The following ITGA8 variants were observed in gnomAD, a reference collection of about 807,000 sequenced individuals.
The protein encoded by ITGA8 is integrin alpha-8.
A neutral mutation model predicts 142.3 loss-of-function variants in ITGA8; 91 were observed. The observed-to-expected ratio is 0.64, with a 90% CI of 0.54 to 0.76. The LOEUF (loss-of-function observed/expected upper bound fraction) is 0.76, where lower values mean the gene tolerates loss of function less well. ITGA8 is among the 30% of genes least tolerant of loss of function. The pLI is 0.00. For missense variants in ITGA8, 1,406 were observed against 1,327.7 expected (o/e 1.06, Z -0.92); for synonymous variants, 505 against 485.2 (o/e 1.04, Z -0.54).
At position 15,519,368 on chromosome 10, in the gene ITGA8, T is replaced by A; in HGVS notation, c.3027A>T (p.Ser1009=). 1.2e-6 allele frequency: 2 copies of A among 1,613,722 alleles called. No individual in the cohort carries two copies. The highest frequency in any genetic ancestry group is 8.5e-7 in the Non-Finnish European group (1 of 1,179,718). ...CTAGTATTATTACCCATAATGGGAT[T>A]GAGAAGGAAACATTCGGAGTTGCCC... ...VIWATPNVSF[S]IPLWVIILAI... The change falls in exon 29 of 30, where the codon TCA becomes TCT. Residue 1009 remains serine, a synonymous_variant. Transcript: ENST00000378076.
At chr10:15,692,342 C>T (rs1834952092) in intron 2 of ITGA8, among the ~76,000 whole-genome samples, 2 of 152,120 alleles carry the variant, frequency 1.3e-5, no homozygotes, top group South Asian at 4.1e-4. Flanking sequence ...ATAAATATGA[C>T]ATGAAAATAT....
chr10:15,643,560 G>T (rs1467658635), intron 13 of ITGA8, among the ~76,000 whole-genome samples: 2 of 152,162 alleles, frequency 1.3e-5, no homozygotes, highest in African/African-American at 4.8e-5. Context: ...GAGATTACAG[G>T]CATGAGCCAC....
chr10:15,603,940 T>C lies in ITGA8; in HGVS notation c.2118+268A>G, dbSNP rs141060896. Among the ~76,000 whole-genome samples, 39 of 152,310 alleles carry C rather than the reference T, an allele frequency of 2.6e-4. 1 individual carries two copies. The highest frequency in any genetic ancestry group is 2.0e-3 in the Admixed American group (31 of 15,294). On this transcript the variant is annotated intron_variant, in intron 20 of 29. Transcript: ENST00000378076. Reference sequence around the variant, plus strand: ...AGCTTTTTGATCGCATTGGTAAGCTTCTTCTTTCAGCCAGTCTTGTTCTCT... The same window carrying C: ...AGCTTTTTGATCGCATTGGTAAGCTCCTTCTTTCAGCCAGTCTTGTTCTCT...
intron 23 of ITGA8, among the ~76,000 whole-genome samples, chr10:15,578,358 T>G (rs527319879): frequency 4.6e-5 from 7 of 152,264 alleles, no homozygotes; most frequent in Admixed American, 4.6e-4. Flanking sequence ...CTGTTTATTG[T>G]TGAGTGATAT....
intron 11 of ITGA8, among the ~76,000 whole-genome samples, chr10:15,654,466 T>C (rs1286945433): frequency 6.6e-6 from 1 of 152,182 alleles, no homozygotes; most frequent in African/African-American, 2.4e-5. Context: ...TCCCAGCAGG[T>C]ACAAAAGGTA....
At chr10:15,623,538 T>C (rs181385091) in intron 13 of ITGA8, among the ~76,000 whole-genome samples, 2 of 151,960 alleles carry the variant, frequency 1.3e-5, no homozygotes, top group African/African-American at 4.8e-5. Flanking sequence ...ATACAAAAAT[T>C]AGCCTGGTGT....
At chr10:15,719,446 G>A (rs1231318935) in intron 1 of ITGA8, 117 bp downstream of exon 1, 4 of 876,664 alleles carry the variant, frequency 4.6e-6, no homozygotes, top group South Asian at 1.9e-5. Context: ...ACGGGACCCC[G>A]GGCAGGCGGC....
At chr10:15,566,416 G>C (rs1834081161) in intron 25 of ITGA8, among the ~76,000 whole-genome samples, 1 of 152,048 alleles carries the variant, frequency 6.6e-6, no homozygotes, top group South Asian at 2.1e-4. Context: ...GTTATATGTG[G>C]GCATCTTATC....
At chr10:15,686,524 C>T (rs1834835388) in intron 3 of ITGA8, among the ~76,000 whole-genome samples, 1 of 152,338 alleles carries the variant, frequency 6.6e-6, no homozygotes, top group South Asian at 2.1e-4. Flanking sequence ...GTTACTCTTT[C>T]AATCTGCTCA....
rs1346081651 is a variant in ITGA8 at position 15,572,272 on chromosome 10, A to T, written c.2576T>A (p.Ile859Asn). The change falls in exon 25 of 30, where the codon ATT (isoleucine) becomes AAT (asparagine). Residue 859 changes from isoleucine to asparagine, a missense_variant. Physicochemically the swap from Ile to Asn is moderately radical, Grantham distance 149. Coordinates refer to ENST00000378076, the MANE Select transcript of ITGA8 (RefSeq NM_003638.3). ...RDEFLLYIFHIQTLGPLQCQP... is the reference protein window; with the variant it reads ...RDEFLLYIFHNQTLGPLQCQP... ...GCACTGCAGAGGTCCCAGAGTTTGAATATGGAAAATATAGAGAAGAAATTC... is the reference window on the plus strand; with the variant it reads ...GCACTGCAGAGGTCCCAGAGTTTGATTATGGAAAATATAGAGAAGAAATTC... The T allele has an allele frequency of 6.2e-7, 1 of 1,614,064 alleles. No homozygotes were observed.
rs1833152207 is a variant in ITGA8, at chr10:15,604,203, A to G, written c.2118+5T>C. On this transcript the variant is annotated splice_donor_5th_base_variant and intron_variant, in intron 20 of 29. Coordinates refer to ENST00000378076, the MANE Select transcript of ITGA8 (RefSeq NM_003638.3). ...TCTTGACTTCAAACAATTTGCAGGC[A>G]TTACCTTGTTGTTGCGTTCGATTCC... is the stretch of plus-strand genomic sequence containing the variant. 1.2e-6 allele frequency: 2 copies of G among 1,605,998 alleles called. No homozygotes were observed. Among genetic ancestry groups the G allele is most frequent in the East Asian group, 2.2e-5 (1 of 44,730 alleles).
chr10:15,615,171 G>A (rs928732131), intron 14 of ITGA8, among the ~76,000 whole-genome samples: 2 of 152,174 alleles, frequency 1.3e-5, no homozygotes, highest in African/African-American at 2.4e-5. Context: ...GATTGGAAGC[G>A]GAGCAGCTGA....
rs553874129 is a variant in ITGA8, at chr10:15,516,592, C to T, written c.*566G>A. ...ATAAATAAACTCTCACCCTCACTCA[C>T]AAGATTATTTTTGTCCTTTCAAAAG... On this transcript the variant is annotated 3_prime_UTR_variant, in exon 30 of 30. Coordinates refer to ENST00000378076, the MANE Select transcript of ITGA8 (RefSeq NM_003638.3). 2 of 152,332 alleles carry T rather than the reference C, an allele frequency of 1.3e-5. No homozygotes were observed. The highest frequency in any genetic ancestry group is 1.9e-4 in the East Asian group (1 of 5,180). The allele number at this position is 152,332 out of a possible 1,614,324, so 9.4% of individuals were successfully genotyped here.
At chr10:15,570,490 A>G (rs1389345856) in intron 25 of ITGA8, among the ~76,000 whole-genome samples, 2 of 151,948 alleles carry the variant, frequency 1.3e-5, no homozygotes, top group Non-Finnish European at 2.9e-5. Flanking sequence ...CACGCCTGTA[A>G]TCCCAGCTAC....
At chr10:15,621,725 G>C (rs1170626314) in intron 13 of ITGA8, among the ~76,000 whole-genome samples, 1 of 152,122 alleles carries the variant, frequency 6.6e-6, no homozygotes, top group Non-Finnish European at 1.5e-5. Flanking sequence ...AATCAGTCAG[G>C]CATGGTGGTA....
chr10:15,641,841 A>G (rs1833877154), intron 13 of ITGA8, among the ~76,000 whole-genome samples: 1 of 152,154 alleles, frequency 6.6e-6, no homozygotes, highest in Non-Finnish European at 1.5e-5. Context: ...CATAATTAAG[A>G]GGTAATCGGC....
intron 26 of ITGA8, among the ~76,000 whole-genome samples, chr10:15,555,932 C>G (rs1833879528): frequency 6.7e-6 from 1 of 149,934 alleles, no homozygotes; most frequent in Non-Finnish European, 1.5e-5. Context: ...CTCCTGACCT[C>G]GTGATCTGCC....
intron 26 of ITGA8, among the ~76,000 whole-genome samples, chr10:15,554,729 T>TTCTC (rs1833857915): frequency 6.7e-6 from 1 of 150,316 alleles, no homozygotes; most frequent in Admixed American, 6.6e-5. Context: ...CTTTCTTTCT[T>TTCTC]TCTTTCTTTC....
At chr10:15,689,191 T>G (rs903632940) in intron 2 of ITGA8, among the ~76,000 whole-genome samples, 4 of 152,106 alleles carry the variant, frequency 2.6e-5, no homozygotes, top group Non-Finnish European at 5.9e-5. Flanking sequence ...CAATAGCATT[T>G]AAAAAGTACT....
Sources: allele counts gnomAD v4.1 joint callset (sites outside exome capture counted in the v4.1 genomes callset), GRCh38; gene constraint gnomAD v4.1.1; transcripts MANE v1.5; gene names NCBI Gene and HGNC (gene_info 2026-07-23, HGNC 2026-07-21).